The following TTYH3 variants were observed in gnomAD, a reference collection of about 807,000 sequenced individuals.
The protein encoded by TTYH3 is protein tweety homolog 3.
In TTYH3, 23 loss-of-function variants were observed where a neutral mutation model predicts 68.2. The ratio of observed to expected loss-of-function variants is 0.34; its 90% confidence interval spans 0.24 to 0.48. TTYH3 has a LOEUF of 0.48. Ranked by LOEUF, TTYH3 falls within the 20% of genes least tolerant of loss-of-function variation. The pLI is 0.99. For missense variants in TTYH3, 768 were observed against 727.7 expected (o/e 1.06, Z -0.64); for synonymous variants, 360 against 332.8 (o/e 1.08, Z -0.89).
chr7:2,634,613 C>T (rs965543038), intron 1 of TTYH3, among the ~76,000 whole-genome samples: 6 of 150,980 alleles, frequency 4.0e-5, no homozygotes, highest in East Asian at 2.0e-4. Flanking sequence ...GGGTGTGGCA[C>T]GGGGGACTGG....
rs1332920305 is a variant in TTYH3 at position 2,632,000 on chromosome 7, A to AGCCGAGCCGG, written c.-141_-132dup. On this transcript the variant is annotated 5_prime_UTR_variant, in exon 1 of 14. Coordinates refer to ENST00000258796, the MANE Select transcript of TTYH3 (RefSeq NM_025250.3). ...CGGGCGGCCGAGCGGAGCCGAGCGC[A>AGCCGAGCCGG]GCCGAGCCGGGCCGAGCCGGGCCGG... 43 of 518,114 alleles carry AGCCGAGCCGG rather than the reference A, an allele frequency of 8.3e-5. No homozygotes were observed. In the Admixed American group the frequency reaches 8.8e-4, roughly 11 times the overall value. 32.1% of individuals were successfully genotyped at this position (518,114 alleles called of 1,614,324 possible). A position where few individuals can be genotyped will look rare whatever the true frequency, so the allele number is the denominator to read the frequency against.
intron 1 of TTYH3, among the ~76,000 whole-genome samples, chr7:2,640,922 G>C (rs886400428): frequency 6.6e-6 from 1 of 152,364 alleles, no homozygotes; most frequent in Non-Finnish European, 1.5e-5. Flanking sequence ...GGAGCCAGCC[G>C]AGGTTCACAC....
intron 1 of TTYH3, among the ~76,000 whole-genome samples, chr7:2,636,960 T>C (rs561167281): frequency 5.3e-5 from 8 of 152,160 alleles, no homozygotes; most frequent in Admixed American, 1.3e-4. Context: ...TGCAGCAGCC[T>C]GGGACCCTCT....
Position 2,662,098 on chromosome 7 carries a change from T to G in TTYH3, c.*359T>G. 3.8e-5 allele frequency: 17 copies of G among 449,040 alleles called. No individual in the cohort carries two copies. Among genetic ancestry groups the G allele is most frequent in the Non-Finnish European group, 4.5e-5 (11 of 243,302 alleles). 27.8% of individuals were successfully genotyped at this position (449,040 alleles called of 1,614,324 possible). A position where few individuals can be genotyped will look rare whatever the true frequency, so the allele number is the denominator to read the frequency against. Reference sequence around the variant, plus strand: ...CCGGCCCTTCCCTCCACAGCTCTCCTTCCTCCCGCCCGGCACTTCTGTGGA... The same window carrying G: ...CCGGCCCTTCCCTCCACAGCTCTCCGTCCTCCCGCCCGGCACTTCTGTGGA... On this transcript the variant is annotated 3_prime_UTR_variant, in exon 14 of 14. Transcript: ENST00000258796.
chr7:2,633,215 G>C (rs945703795), intron 1 of TTYH3, among the ~76,000 whole-genome samples: 1 of 152,198 alleles, frequency 6.6e-6, no homozygotes, highest in Admixed American at 6.5e-5. Flanking sequence ...TGGTCACCCG[G>C]AGTTTCTCTC....
At chr7:2,650,072 A>G (rs1223770944) in intron 7 of TTYH3, 84 bp downstream of exon 7, 8 of 1,429,326 alleles carry the variant, frequency 5.6e-6, no homozygotes, top group Non-Finnish European at 1.9e-6. Context: ...AGGCCGAGAC[A>G]CCCCTGCCCT....
chr7:2,651,745 T>G (rs1373353885), intron 7 of TTYH3, among the ~76,000 whole-genome samples: 2 of 152,114 alleles, frequency 1.3e-5, no homozygotes, highest in Non-Finnish European at 2.9e-5. Flanking sequence ...TTTAAAATGT[T>G]TTTTTTTAAT....
chr7:2,654,065 A>C (rs1394426826), intron 9 of TTYH3, among the ~76,000 whole-genome samples: 3 of 152,114 alleles, frequency 2.0e-5, no homozygotes, highest in Non-Finnish European at 4.4e-5. Flanking sequence ...CCCTTCTCCA[A>C]GGAGCTCTTC....
intron 1 of TTYH3, among the ~76,000 whole-genome samples, chr7:2,639,742 G>T (rs1187500871): frequency 6.6e-6 from 1 of 152,206 alleles, no homozygotes; most frequent in African/African-American, 2.4e-5. Context: ...GGCACCTCTG[G>T]TGGGGTTCTG....
chr7:2,639,063 G>T (rs1203888396), intron 1 of TTYH3, among the ~76,000 whole-genome samples: 2 of 152,132 alleles, frequency 1.3e-5, no homozygotes, highest in East Asian at 3.9e-4. Flanking sequence ...GAACCCCTCG[G>T]TCTGCACTGG....
intron 1 of TTYH3, among the ~76,000 whole-genome samples, chr7:2,642,729 A>AAAAT (rs1189831210): frequency 6.7e-6 from 1 of 150,334 alleles, no homozygotes; most frequent in Non-Finnish European, 1.5e-5. Flanking sequence ...CCCTGTCTCT[A>AAAAT]AAATAATTTT....
At chr7:2,632,475 C>T (rs1007807947) in intron 1 of TTYH3, among the ~76,000 whole-genome samples, 197 bp downstream of exon 1, 3 of 152,070 alleles carry the variant, frequency 2.0e-5, no homozygotes, top group Admixed American at 2.0e-4. Context: ...CCCTTTCTTC[C>T]AGGGTCATGG....
In TTYH3 at chr7:2,632,182, C is replaced by G; in HGVS notation, c.27C>G (p.Pro9=). 2 of 1,513,818 alleles carry G rather than the reference C, an allele frequency of 1.3e-6. No homozygotes were observed. Among genetic ancestry groups the G allele is most frequent in the South Asian group, 1.2e-5 (1 of 80,604 alleles). The allele number at this position is 1,513,818 out of a possible 1,614,324, so 93.8% of individuals were successfully genotyped here. MAGVSYAA[P]WWVSLLHRLP... The stretch of plus-strand genomic sequence containing the variant: ...TGGCCGGGGTCAGCTACGCGGCGCC[C>G]TGGTGGGTGAGCCTCCTGCACCGGC... Residue 9 remains proline, a synonymous_variant, in exon 1 of 14, where the codon CCC becomes CCG. Transcript: ENST00000258796.
At chr7:2,650,923 T>C (rs1429502660) in intron 7 of TTYH3, among the ~76,000 whole-genome samples, 1 of 150,630 alleles carries the variant, frequency 6.6e-6, no homozygotes, top group Admixed American at 6.6e-5. Flanking sequence ...GTCAGTTGGA[T>C]GTAGGGAGCG....
chr7:2,656,657 C>T, intron 11 of TTYH3, 123 bp downstream of exon 11: 2 of 1,213,052 alleles, frequency 1.6e-6, no homozygotes, highest in Non-Finnish European at 1.1e-6. Flanking sequence ...GACACCTCCT[C>T]ACCTCGTGAC....
chr7:2,660,087 CT>C, intron 13 of TTYH3: 1 of 1,283,632 alleles, frequency 7.8e-7, no homozygotes, highest in Non-Finnish European at 1.0e-6. Flanking sequence ...CCGCCTGCGC[CT>C]CCCGCCTCCA....
At chr7:2,658,697 CAG>C (rs1204476674) in intron 12 of TTYH3, among the ~76,000 whole-genome samples, 1 of 152,202 alleles carries the variant, frequency 6.6e-6, no homozygotes, top group Non-Finnish European at 1.5e-5. Context: ...CCAAGGACCT[CAG>C]GGCCCAGCTA....
At chr7:2,640,347 C>T (rs982180801) in intron 1 of TTYH3, among the ~76,000 whole-genome samples, 6 of 151,860 alleles carry the variant, frequency 4.0e-5, no homozygotes, top group African/African-American at 9.7e-5. Context: ...CGCAGGGTAG[C>T]GGGGTGGGCA....
At chr7:2,657,907 G>A (rs1398182886) in intron 11 of TTYH3, among the ~76,000 whole-genome samples, 1 of 152,220 alleles carries the variant, frequency 6.6e-6, no homozygotes, top group Non-Finnish European at 1.5e-5. Context: ...GGCCACCCAA[G>A]GGTGCAGTTG....
Sources: allele counts gnomAD v4.1 joint callset (sites outside exome capture counted in the v4.1 genomes callset), GRCh38; gene constraint gnomAD v4.1.1; transcripts MANE v1.5; gene names NCBI Gene and HGNC (gene_info 2026-07-23, HGNC 2026-07-21).